NAT8L: variants seen among roughly 807,000 people sequenced by gnomAD.
NAT8L encodes N-acetylaspartate synthetase.
A neutral mutation model predicts 21.2 loss-of-function variants in NAT8L; 6 were observed. That is an observed-to-expected ratio of 0.28 (90% CI 0.16 to 0.56). NAT8L has a LOEUF of 0.56. Among genes scored for constraint, NAT8L ranks in the 20% least tolerant of loss-of-function variants. The pLI is 0.93. For synonymous variants in NAT8L, 239 were observed against 204.9 expected, an observed-to-expected ratio of 1.17 and a Z score of -1.42; for missense variants, 331 against 433.3, an observed-to-expected ratio of 0.76 and a Z score of 2.10.
In NAT8L at chr4:2,066,102, T is replaced by G. The variant is rs1029672111; in HGVS notation, c.*1975T>G. On this transcript the variant is annotated 3_prime_UTR_variant, in exon 3 of 3. Transcript: ENST00000423729. ...CCTTTGGAGCCTCGGGCTCCTGGGG[T>G]GCAGGGTGCTTGGGGGTGGCTGTTG... is the stretch of plus-strand genomic sequence containing the variant. The G allele has an allele frequency of 6.6e-6, 1 of 152,388 alleles. No individual in the cohort carries two copies. Among genetic ancestry groups the G allele is most frequent in the African/African-American group, 2.4e-5 (1 of 41,366 alleles). The allele number at this position is 152,388 out of a possible 1,614,324, so 9.4% of individuals were successfully genotyped here.
rs985011040 is a variant in NAT8L at position 2,060,445 on chromosome 4, G to C, written c.377-553G>C. Among the ~76,000 whole-genome samples the C allele has an allele frequency of 6.6e-6, 1 of 152,182 alleles. No homozygotes were observed. The highest frequency in any genetic ancestry group is 1.9e-4 in the East Asian group (1 of 5,182). On this transcript the variant is annotated intron_variant, in intron 1 of 2. Transcript: ENST00000423729. This position sits in a 1 kb window ranked among gnomAD's most constrained non-coding sequence, Gnocchi z 4.7. ...CAGATGAGGCGCTTGAGGCCGCGTA[G>C]GGAGGACGCGACTCCCCCAAGGTCA...
In NAT8L at chr4:2,061,056, G is replaced by A. The variant is rs1295015933; in HGVS notation, c.435G>A (p.Leu145=). 3.7e-6 allele frequency: 6 copies of A among 1,602,018 alleles called. No homozygotes were observed. Among genetic ancestry groups the A allele is most frequent in the African/African-American group, 1.3e-5 (1 of 74,554 alleles). Residue 145 remains leucine, a synonymous_variant, in exon 2 of 3, where the codon CTG becomes CTA. Transcript: ENST00000423729. ...TGACGTGCCTGGTGCCGGCCGCGCT[G>A]CTGGGCCTGCGCTACTACTACAGCC... The part of the protein sequence containing the change: ...LLLTCLVPAA[L]LGLRYYYSRK...
chr4:2,059,860 G>A lies in NAT8L; in HGVS notation c.349G>A (p.Ala117Thr), dbSNP rs1170796817. The change falls in exon 1 of 3, where the codon GCG becomes ACG. Residue 117 changes from alanine to threonine, a missense_variant. By Grantham distance (58) the Ala-to-Thr change is moderately conservative. Around this residue, in one of 2 missense-constraint regions of NAT8L, gnomAD observed 199 missense variants for 196.1 expected, o/e 1.01. Transcript: ENST00000423729. This position sits in a 1 kb window ranked among gnomAD's most constrained non-coding sequence, Gnocchi z 4.8. Reference protein sequence around the residue: ...AFRGLRQHPRAQLLYALLAAL... With the variant: ...AFRGLRQHPRTQLLYALLAAL... ...CCGCGGCCTGCGGCAGCACCCGCGC[G>A]CGCAGCTGCTCTACGCCCTGCTGGC... 3 of 1,376,958 alleles carry A rather than the reference G, an allele frequency of 2.2e-6. No individual in the cohort carries two copies. In the East Asian group the frequency reaches 1.1e-4, roughly 50 times the overall value. 85.3% of individuals were successfully genotyped at this position (1,376,958 alleles called of 1,614,324 possible). A position where few individuals can be genotyped will look rare whatever the true frequency, so the allele number is the denominator to read the frequency against.
In NAT8L at chr4:2,065,136, GAC is replaced by G. The variant is rs1419132392; in HGVS notation, c.*1013_*1014del. The G allele has an allele frequency of 2.6e-5, 4 of 152,642 alleles. No homozygotes were observed. The highest frequency in any genetic ancestry group is 2.1e-4 in the South Asian group (1 of 4,840). The allele number at this position is 152,642 out of a possible 1,614,324, so 9.5% of individuals were successfully genotyped here. A position where few individuals can be genotyped will look rare whatever the true frequency, so the allele number is the denominator to read the frequency against. On this transcript the variant is annotated 3_prime_UTR_variant, in exon 3 of 3. Transcript: ENST00000423729. ...GACAAAACGGTAGTTTGTACCCTAA[GAC>G]ACAGTTTCTGGCCCAGTGTGATGGG...
chr4:2,059,373 A>C lies in NAT8L; in HGVS notation c.-139A>C. The C allele has an allele frequency of 6.4e-6, 1 of 157,454 alleles. No homozygotes were observed. The highest frequency in any genetic ancestry group is 1.3e-5 in the Non-Finnish European group (1 of 79,276). The allele number at this position is 157,454 out of a possible 1,614,324, so 9.8% of individuals were successfully genotyped here. On this transcript the variant is annotated 5_prime_UTR_variant, in exon 1 of 3. Transcript: ENST00000423729. The surrounding 1 kb of genome is among the most constrained non-coding windows in gnomAD (Gnocchi z 4.8). ...CCGCCGCCTCCGCCCCGCGCCCCTG[A>C]GCTGCCGCCGCCGCCGCCGCCGCTG...
In NAT8L at chr4:2,066,656, ACTT is replaced by A. The variant is rs1410297374; in HGVS notation, c.*2535_*2537del. On this transcript the variant is annotated 3_prime_UTR_variant, in exon 3 of 3. Coordinates refer to ENST00000423729, the MANE Select transcript of NAT8L (RefSeq NM_178557.4). ...ATACGTTTGTAGAAACTCTGATGTAACTTCTTCTACCTCTGAAGCGCCCTCCTG... is the reference window on the plus strand; with the variant it reads ...ATACGTTTGTAGAAACTCTGATGTAACTTCTACCTCTGAAGCGCCCTCCTG... The A allele has an allele frequency of 2.6e-5, 4 of 152,300 alleles. No homozygotes were observed. Among genetic ancestry groups the A allele is most frequent in the Non-Finnish European group, 4.4e-5 (3 of 68,088 alleles). 9.4% of individuals were successfully genotyped at this position (152,300 alleles called of 1,614,324 possible).
chr4:2,063,103 C>T (rs1729924609), intron 2 of NAT8L, among the ~76,000 whole-genome samples: 3 of 152,406 alleles, frequency 2.0e-5, no homozygotes, highest in Admixed American at 2.0e-4. Context: ...ACTTGGCCTA[C>T]TGCCAGGAGA....
chr4:2,062,118 A>G (rs1268761731), intron 2 of NAT8L, among the ~76,000 whole-genome samples: 1 of 152,186 alleles, frequency 6.6e-6, no homozygotes, highest in Non-Finnish European at 1.5e-5. Flanking sequence ...TCCGGTGGGC[A>G]CACGGGGCAT....
chr4:2,064,791 C>T lies in NAT8L; in HGVS notation c.*664C>T, dbSNP rs191606199. The T allele has an allele frequency of 6.5e-6, 1 of 153,428 alleles. No homozygotes were observed. The highest frequency in any genetic ancestry group is 2.4e-5 in the African/African-American group (1 of 41,608). 9.5% of individuals were successfully genotyped at this position (153,428 alleles called of 1,614,324 possible). ...CACACCTGCTTTGCTCTGACGCCCTCCATTTCTCTGGCTCCGGCCCCTCCC... is the reference window on the plus strand; with the variant it reads ...CACACCTGCTTTGCTCTGACGCCCTTCATTTCTCTGGCTCCGGCCCCTCCC... On this transcript the variant is annotated 3_prime_UTR_variant, in exon 3 of 3. Transcript: ENST00000423729.
chr4:2,067,344 C>G lies in NAT8L; in HGVS notation c.*3217C>G, dbSNP rs959427139. The G allele has an allele frequency of 6.5e-6, 1 of 152,766 alleles. No homozygotes were observed. Among genetic ancestry groups the G allele is most frequent in the African/African-American group, 2.4e-5 (1 of 41,458 alleles). 9.5% of individuals were successfully genotyped at this position (152,766 alleles called of 1,614,324 possible). A position where few individuals can be genotyped will look rare whatever the true frequency, so the allele number is the denominator to read the frequency against. ...TGGCCTGAGGGGTGGATGGCTGGCCCTGGGGGAAGGCTGGGCCTGGGAGGC... is the reference window on the plus strand; with the variant it reads ...TGGCCTGAGGGGTGGATGGCTGGCCGTGGGGGAAGGCTGGGCCTGGGAGGC... On this transcript the variant is annotated 3_prime_UTR_variant, in exon 3 of 3. Transcript: ENST00000423729.
Position 2,067,861 on chromosome 4 carries a change from G to A in NAT8L, c.*3734G>A, listed in dbSNP as rs1240080475. ...TCTGTTTGGAAGCTGCTTCTGTTTGGCCACAGGCCTGTGTTCCTGGGCTGA... is the reference window on the plus strand; with the variant it reads ...TCTGTTTGGAAGCTGCTTCTGTTTGACCACAGGCCTGTGTTCCTGGGCTGA... On this transcript the variant is annotated 3_prime_UTR_variant, in exon 3 of 3. Transcript: ENST00000423729. The A allele has an allele frequency of 2.0e-5, 3 of 152,300 alleles. No homozygotes were observed. The highest frequency in any genetic ancestry group is 7.2e-5 in the African/African-American group (3 of 41,472). 9.4% of individuals were successfully genotyped at this position (152,300 alleles called of 1,614,324 possible).
rs1443179642 is a variant in NAT8L, at chr4:2,061,143, G to T, written c.522G>T (p.Gln174His). 1.2e-6 allele frequency: 2 copies of T among 1,611,306 alleles called. No individual in the cohort carries two copies. The highest frequency in any genetic ancestry group is 1.7e-6 in the Non-Finnish European group (2 of 1,179,120). ...ALHTDMADIE[Q>H]YYMKPPGSCF... Reference sequence around the variant, plus strand: ...ACACGGACATGGCGGACATCGAGCAGTACTACATGAAGCCGCCCGGTGAGT... The same window carrying T: ...ACACGGACATGGCGGACATCGAGCATTACTACATGAAGCCGCCCGGTGAGT... The change falls in exon 2 of 3, where the codon CAG becomes CAT. Residue 174 changes from glutamine (Q) to histidine (H), a missense_variant. By Grantham distance (24) the Gln-to-His change is conservative. Around this residue, in one of 2 missense-constraint regions of NAT8L, gnomAD observed 132 missense variants for 237.1 expected, o/e 0.56. Transcript: ENST00000423729.
At chr4:2,061,228 C>T in intron 2 of NAT8L, 66 bp downstream of exon 2, 5 of 1,597,112 alleles carry the variant, frequency 3.1e-6, no homozygotes, top group Non-Finnish European at 3.4e-6. Flanking sequence ...CGCACTCCAG[C>T]GACCTCAGGG....
At chr4:2,062,645 G>A (rs1280829764) in intron 2 of NAT8L, among the ~76,000 whole-genome samples, 1 of 152,074 alleles carries the variant, frequency 6.6e-6, no homozygotes, top group Non-Finnish European at 1.5e-5. Flanking sequence ...TCCTTGAAGG[G>A]CCTTCAGTAC....
In NAT8L at chr4:2,064,779, C is replaced by G. The variant is rs1385109765; in HGVS notation, c.*652C>G. On this transcript the variant is annotated 3_prime_UTR_variant, in exon 3 of 3. Coordinates refer to ENST00000423729, the MANE Select transcript of NAT8L (RefSeq NM_178557.4). ...CCCGGCTCTGTCCACACCTGCTTTGCTCTGACGCCCTCCATTTCTCTGGCT... is the reference window on the plus strand; with the variant it reads ...CCCGGCTCTGTCCACACCTGCTTTGGTCTGACGCCCTCCATTTCTCTGGCT... 6.5e-6 allele frequency: 1 copy of G among 152,840 alleles called. No individual in the cohort carries two copies. Among genetic ancestry groups the G allele is most frequent in the African/African-American group, 2.4e-5 (1 of 41,362 alleles). The allele number at this position is 152,840 out of a possible 1,614,324, so 9.5% of individuals were successfully genotyped here.
rs758862869 is a variant in NAT8L at position 2,061,092 on chromosome 4, C to T, written c.471C>T (p.Ile157=). ...GCTACTACTACAGCCGCAAGGTGAT[C>T]CGCGCCTACCTGGAGTGCGCGCTGC... ...GLRYYYSRKV[I]RAYLECALHT... The change falls in exon 2 of 3, where the codon ATC becomes ATT. Residue 157 remains isoleucine, a synonymous_variant. Transcript: ENST00000423729. 5 of 1,611,044 alleles carry T rather than the reference C, an allele frequency of 3.1e-6. No individual in the cohort carries two copies. Among genetic ancestry groups the T allele is most frequent in the Middle Eastern group, 1.7e-4 (1 of 6,056 alleles).
rs960057870 is a variant in NAT8L at position 2,064,752 on chromosome 4, C to G, written c.*625C>G. The stretch of plus-strand genomic sequence containing the variant: ...CTGGAGGGCCTGGTCTGCCCCGCGC[C>G]GCCCGGCTCTGTCCACACCTGCTTT... On this transcript the variant is annotated 3_prime_UTR_variant, in exon 3 of 3. Coordinates refer to ENST00000423729, the MANE Select transcript of NAT8L (RefSeq NM_178557.4). 2.6e-5 allele frequency: 4 copies of G among 153,246 alleles called. No individual in the cohort carries two copies. The highest frequency in any genetic ancestry group is 5.8e-5 in the Non-Finnish European group (4 of 68,726). The allele number at this position is 153,246 out of a possible 1,614,324, so 9.5% of individuals were successfully genotyped here.
At position 2,061,299 on chromosome 4, in the gene NAT8L, T is replaced by C. The variant is rs929815916; in HGVS notation, c.541+137T>C. ...GCCGGGGCCCCTGTGACCTGAGCCT[T>C]CTGGGTGACCGAGGCCTCCGGTGTC... On this transcript the variant is annotated intron_variant, in intron 2 of 2. Transcript: ENST00000423729. 5.4e-6 allele frequency: 8 copies of C among 1,468,150 alleles called. No homozygotes were observed. The African/African-American group carries it at 1.1e-4, about 21-fold the overall frequency. 90.9% of individuals were successfully genotyped at this position (1,468,150 alleles called of 1,614,324 possible).
chr4:2,063,646 T>G (rs454226), intron 2 of NAT8L, 114 bp from the exon 3 acceptor site: 1,373,925 of 1,580,834 alleles, frequency 0.87, 603,253 homozygotes, highest in Non-Finnish European at 0.9. Context: ...CCCACTGCCC[T>G]GGCTTGGTGT....
Sources: allele counts gnomAD v4.1 joint callset (sites outside exome capture counted in the v4.1 genomes callset), GRCh38; gene constraint gnomAD v4.1.1; regional missense constraint gnomAD v4.1.1; non-coding constraint Gnocchi (gnomAD v3.1); transcripts MANE v1.5; gene names NCBI Gene and HGNC (gene_info 2026-07-23, HGNC 2026-07-21).